Variants in RASSF7 observed in about 807,000 individuals in gnomAD.
The protein encoded by RASSF7 is ras association domain-containing protein 7.
Under a neutral mutation model 33.8 loss-of-function variants are expected in RASSF7, and 41 were observed. The ratio of observed to expected loss-of-function variants is 1.21; its 90% CI spans 0.95 to 1.57. The LOEUF is 1.57. Ranked by LOEUF, RASSF7 falls within the 40% of genes most tolerant of loss-of-function variation. The pLI, the probability that RASSF7 is intolerant of heterozygous loss-of-function variation, is 0.00. For synonymous variants in RASSF7, 298 were observed against 212.8 expected, an observed-to-expected ratio of 1.40 and a Z score of -3.48; for missense variants, 622 against 497.0, an observed-to-expected ratio of 1.25 and a Z score of -2.39.
chr11:563,139 G>A (rs764539541), intron 3 of RASSF7, 50 bp from the exon 4 acceptor site: 9 of 1,503,908 alleles, frequency 6.0e-6, no homozygotes, highest in South Asian at 1.3e-5. Context: ...GGAGCACAAG[G>A]GCTGTGGAGC....
chr11:562,582 C>G lies in RASSF7; in HGVS notation c.628C>G (p.Leu210Val). 2 of 1,543,976 alleles carry G rather than the reference C, an allele frequency of 1.3e-6. No homozygotes were observed. The highest frequency in any genetic ancestry group is 2.4e-5 in the East Asian group (1 of 40,900). Reference sequence around the variant, plus strand: ...TGAGCATGCCGCCCGGCTGCAGGCCCTGGACGCTCAGGCCCGTGCCCTGGA... The same window carrying G: ...TGAGCATGCCGCCCGGCTGCAGGCCGTGGACGCTCAGGCCCGTGCCCTGGA... ...TAEHAARLQA[L>V]DAQARALEAE... The change falls in exon 3 of 6, where the codon CTG (leucine) becomes GTG (valine). Residue 210 changes from leucine (L) to valine (V), a missense_variant. By Grantham distance (32) the Leu-to-Val change is conservative. Transcript: ENST00000397583.
intron 3 of RASSF7, among the ~76,000 whole-genome samples, 181 bp downstream of exon 3, chr11:562,957 G>A (rs1254194301): frequency 4.6e-5 from 7 of 151,288 alleles, no homozygotes; most frequent in South Asian, 4.2e-4. Flanking sequence ...AGGTGAGCCC[G>A]CGGACCTGAT....
At position 562,194 on chromosome 11, in the gene RASSF7, C is replaced by T; in HGVS notation, c.240C>T (p.Val80=). ...QATCGQFASD[V]QFVLRRTGPS... is the part of the protein sequence containing the mutation. The stretch of plus-strand genomic sequence containing the variant: ...CCTGCGGACAGTTTGCCAGCGATGT[C>T]CAGTTTGTCCTGAGGCGCACAGGGC... The change falls in exon 3 of 6, where the codon GTC becomes GTT. Residue 80 remains valine, a synonymous_variant. Transcript: ENST00000397583. 1.9e-6 allele frequency: 3 copies of T among 1,595,598 alleles called. No homozygotes were observed. The highest frequency in any genetic ancestry group is 2.6e-6 in the Non-Finnish European group (3 of 1,170,350).
chr11:561,517 G>A (rs1589837580), intron 1 of RASSF7, 40 bp downstream of exon 1: 3 of 1,403,136 alleles, frequency 2.1e-6, no homozygotes, highest in East Asian at 2.6e-5. Flanking sequence ...TTAATGATTC[G>A]CCTTGTTCCG....
Position 561,490 on chromosome 11 carries a change from G to A in RASSF7, c.-8+13G>A. 7.5e-7 allele frequency: 1 copy of A among 1,326,702 alleles called. No individual in the cohort carries two copies. Among genetic ancestry groups the A allele is most frequent in the Non-Finnish European group, 9.7e-7 (1 of 1,032,630 alleles). The allele number at this position is 1,326,702 out of a possible 1,614,324, so 82.2% of individuals were successfully genotyped here. ...TCCTCCGAGCCAGGTGAGGCGAGTA[G>A]GAAATGCTGGATCTGGTTAATGATT... On this transcript the variant is annotated intron_variant, in intron 1 of 5. Transcript: ENST00000397583.
chr11:562,759 G>A lies in RASSF7; in HGVS notation c.805G>A (p.Ala269Thr). 1 of 1,512,090 alleles carries A rather than the reference G, an allele frequency of 6.6e-7. No homozygotes were observed. Among genetic ancestry groups the A allele is most frequent in the South Asian group, 1.2e-5 (1 of 80,618 alleles). The allele number at this position is 1,512,090 out of a possible 1,614,324, so 93.7% of individuals were successfully genotyped here. A position where few individuals can be genotyped will look rare whatever the true frequency, so the allele number is the denominator to read the frequency against. ...TCTGGTGAGCCGGGCCCTGGAGGCA[G>A]CAGAGCGAGCCTTGCAGGTGAGCCC... is the stretch of plus-strand genomic sequence containing the variant. The part of the protein sequence containing the change: ...LALVSRALEA[A>T]ERALQAQAQE... Residue 269 changes from alanine (A) to threonine (T), a missense_variant, in exon 3 of 6, where the codon GCA becomes ACA. Ala to Thr is a moderately conservative substitution (Grantham distance 58). Coordinates refer to ENST00000397583, the MANE Select transcript of RASSF7 (RefSeq NM_003475.4).
Position 561,365 on chromosome 11 carries a change from G to C in RASSF7, c.-120G>C. 4 of 1,030,264 alleles carry C rather than the reference G, an allele frequency of 3.9e-6. No homozygotes were observed. The highest frequency in any genetic ancestry group is 4.7e-6 in the Non-Finnish European group (4 of 859,696). 63.8% of individuals were successfully genotyped at this position (1,030,264 alleles called of 1,614,324 possible). A position where few individuals can be genotyped will look rare whatever the true frequency, so the allele number is the denominator to read the frequency against. On this transcript the variant is annotated 5_prime_UTR_variant, in exon 1 of 6. Transcript: ENST00000397583. ...CGAGGTCTGGGTTGCGACCCCGAGC[G>C]CCTCTGCGGCCTGAGCAGGTCGGGG...
chr11:561,720 G>C (rs773419081), intron 1 of RASSF7, 42 bp from the exon 2 acceptor site: 2 of 1,611,402 alleles, frequency 1.2e-6, no homozygotes, highest in Non-Finnish European at 1.7e-6. Context: ...CCTGCGATAG[G>C]AGTAGGCAGG....
Position 561,881 on chromosome 11 carries a change from C to A in RASSF7, c.113C>A (p.Ala38Asp). 6.2e-7 allele frequency: 1 copy of A among 1,613,548 alleles called. No individual in the cohort carries two copies. Among genetic ancestry groups the A allele is most frequent in the Non-Finnish European group, 8.5e-7 (1 of 1,179,980 alleles). ...TGCCAGGAAGTGGTCATCGCACTAG[C>A]CCAAGCAATAGGTGAGTCCTCTCGG... The part of the protein sequence containing the change: ...TTCQEVVIAL[A>D]QAIGQTGRFV... Residue 38 changes from alanine to aspartate, a missense_variant, in exon 2 of 6, where the codon GCC becomes GAC. By Grantham distance (126) the Ala-to-Asp change is moderately radical. Coordinates refer to ENST00000397583, the MANE Select transcript of RASSF7 (RefSeq NM_003475.4).
In RASSF7 at chr11:563,243, C is replaced by T. The variant is rs1158223770; in HGVS notation, c.877C>T (p.Gln293Ter). ...LNRELRQCNL[Q>*]QFIQQTGAAL... is the part of the protein sequence containing the mutation. ...CCGAGAGCTCCGTCAGTGCAACCTG[C>T]AGCAGTTCATCCAGCAGACCGGGGC... Residue 293 changes from glutamine to a stop codon, truncating the protein, a stop_gained, in exon 4 of 6, where the codon CAG becomes TAG. Coordinates refer to ENST00000397583, the MANE Select transcript of RASSF7 (RefSeq NM_003475.4). LOFTEE classifies it high-confidence loss of function. 6.2e-7 allele frequency: 1 copy of T among 1,610,108 alleles called. No homozygotes were observed. Among genetic ancestry groups the T allele is most frequent in the Admixed American group, 1.7e-5 (1 of 59,816 alleles).
intron 1 of RASSF7, 69 bp downstream of exon 1, chr11:561,546 G>C (rs780068479): frequency 2.6e-5 from 37 of 1,411,362 alleles, no homozygotes; most frequent in Non-Finnish European, 3.3e-5. Context: ...AGCGTGGCAA[G>C]AGGAAGCTGG....
At position 563,436 on chromosome 11, in the gene RASSF7, C is replaced by T. The variant is rs1853435733; in HGVS notation, c.992C>T (p.Ala331Val). 1 of 1,611,944 alleles carries T rather than the reference C, an allele frequency of 6.2e-7. No individual in the cohort carries two copies. The highest frequency in any genetic ancestry group is 2.2e-5 in the East Asian group (1 of 44,844). The part of the protein sequence containing the change: ...PPAREESLLG[A>V]PSESHAGAQP... ...GCCAGAGAGGAGTCCCTCCTGGGCG[C>T]TCCCTCTGAGTCCCATGCTGGTGCC... Residue 331 changes from alanine (A) to valine (V), a missense_variant, in exon 5 of 6, where the codon GCT becomes GTT. Physicochemically the swap from Ala to Val is moderately conservative, Grantham distance 64. Transcript: ENST00000397583.
intron 3 of RASSF7, among the ~76,000 whole-genome samples, 171 bp downstream of exon 3, chr11:562,947 A>C (rs979577586): frequency 1.3e-5 from 2 of 149,564 alleles, no homozygotes; most frequent in African/African-American, 5.0e-5. Context: ...CTCGGGAGGC[A>C]GGTGAGCCCG....
At position 560,981 on chromosome 11, in the gene RASSF7, G is replaced by A. The variant is rs1439153856; in HGVS notation, c.-504G>A. The A allele has an allele frequency of 6.9e-5, 75 of 1,085,804 alleles. No homozygotes were observed. In the East Asian group the frequency reaches 3.4e-3, roughly 50 times the overall value. 67.3% of individuals were successfully genotyped at this position (1,085,804 alleles called of 1,614,324 possible). A position where few individuals can be genotyped will look rare whatever the true frequency, so the allele number is the denominator to read the frequency against. ...GGCCCGGGTGCGCCGCGGCGCTGGG[G>A]GCGGCAGGTTGCGGCGGCGCCGGAG... On this transcript the variant is annotated 5_prime_UTR_variant, in exon 1 of 6. Coordinates refer to ENST00000397583, the MANE Select transcript of RASSF7 (RefSeq NM_003475.4).
Position 562,392 on chromosome 11 carries a change from A to T in RASSF7, c.438A>T (p.Thr146=). The change falls in exon 3 of 6, where the codon ACA becomes ACT. Residue 146 remains threonine (T), a synonymous_variant. Coordinates refer to ENST00000397583, the MANE Select transcript of RASSF7 (RefSeq NM_003475.4). ...GCCCTGGGCCTGCGGCCCCTGTGACACCCACACCAGGCTGCTGCACAGACC... is the reference window on the plus strand; with the variant it reads ...GCCCTGGGCCTGCGGCCCCTGTGACTCCCACACCAGGCTGCTGCACAGACC... ...LSRPGPAAPV[T]PTPGCCTDLR... is the part of the protein sequence containing the mutation. 1 of 1,575,270 alleles carries T rather than the reference A, an allele frequency of 6.3e-7. No homozygotes were observed. Among genetic ancestry groups the T allele is most frequent in the South Asian group, 1.1e-5 (1 of 87,052 alleles).
Position 561,227 on chromosome 11 carries a change from C to T in RASSF7, c.-258C>T. On this transcript the variant is annotated 5_prime_UTR_variant, in exon 1 of 6. Transcript: ENST00000397583. ...TGGGGTCGCGGCGCGGGCTTCGGTGCCCGCGGCGGGGACCGGGACTTTCGG... is the reference window on the plus strand; with the variant it reads ...TGGGGTCGCGGCGCGGGCTTCGGTGTCCGCGGCGGGGACCGGGACTTTCGG... The T allele has an allele frequency of 6.1e-6, 6 of 985,228 alleles. No homozygotes were observed. The highest frequency in any genetic ancestry group is 7.2e-6 in the Non-Finnish European group (6 of 829,866). 61.0% of individuals were successfully genotyped at this position (985,228 alleles called of 1,614,324 possible). A position where few individuals can be genotyped will look rare whatever the true frequency, so the allele number is the denominator to read the frequency against.
At chr11:561,619 G>A (rs1028749511) in intron 1 of RASSF7, 142 bp downstream of exon 1, 32 of 1,414,166 alleles carry the variant, frequency 2.3e-5, no homozygotes, top group Non-Finnish European at 2.8e-5. Flanking sequence ...GCTGGCGGGT[G>A]GGGCTGGCAC....
At chr11:562,004 G>C (rs756292139) in intron 2 of RASSF7, 75 bp from the exon 3 acceptor site, 50 of 1,533,366 alleles carry the variant, frequency 3.3e-5, no homozygotes, top group Non-Finnish European at 4.4e-5. Context: ...GATCCTTTTT[G>C]TTCTTCCCAA....
In RASSF7 at chr11:561,146, C is replaced by G; in HGVS notation, c.-339C>G. The G allele has an allele frequency of 2.0e-6, 2 of 984,890 alleles. No individual in the cohort carries two copies. Among genetic ancestry groups the G allele is most frequent in the Non-Finnish European group, 2.4e-6 (2 of 829,768 alleles). 61.0% of individuals were successfully genotyped at this position (984,890 alleles called of 1,614,324 possible). ...GCGATGCCCGGACGGAGAGCGGGGG[C>G]GGCGCCGCACCTGCGCCCGCCCTGC... On this transcript the variant is annotated 5_prime_UTR_variant, in exon 1 of 6. Coordinates refer to ENST00000397583, the MANE Select transcript of RASSF7 (RefSeq NM_003475.4).
Sources: allele counts gnomAD v4.1 joint callset (sites outside exome capture counted in the v4.1 genomes callset), GRCh38; gene constraint gnomAD v4.1.1; transcripts MANE v1.5; gene names NCBI Gene and HGNC (gene_info 2026-07-23, HGNC 2026-07-21).